Variants in ZMYM4 observed in about 807,000 individuals in gnomAD.
The protein encoded by ZMYM4 is zinc finger MYM-type protein 4.
Under a neutral mutation model 183.2 loss-of-function variants are expected in ZMYM4, and 31 were observed. That is an observed-to-expected ratio of 0.17 (90% CI 0.13 to 0.23). The LOEUF is 0.23. ZMYM4 is among the 10% of genes least tolerant of loss of function. ZMYM4 has a pLI of 1.00. For synonymous variants in ZMYM4, 592 were observed against 631.2 expected (o/e 0.94, Z 0.93); for missense variants, 1,273 against 1,840.3 (o/e 0.69, Z 5.64).
At chr1:35,307,866 G>C (rs1641611678) in intron 1 of ZMYM4, among the ~76,000 whole-genome samples, 1 of 151,044 alleles carries the variant, frequency 6.6e-6, no homozygotes, top group Admixed American at 6.6e-5. Flanking sequence ...TCTTACTTCT[G>C]TCCCCCAGGC....
rs1369447600 is a variant in ZMYM4 at position 35,419,541 on chromosome 1, C to T, written c.4511C>T (p.Pro1504Leu). The change falls in exon 30 of 30, where the codon CCC (proline) becomes CTC (leucine). Residue 1504 changes from proline (P) to leucine (L), a missense_variant. Coordinates refer to ENST00000314607, the MANE Select transcript of ZMYM4 (RefSeq NM_005095.3). ...GAGCGCTCCTGTGTCCCGAATAGCC[C>T]CATGTGGTACTCCACATTCCCGATA... The part of the protein sequence containing the change: ...QPERSCVPNS[P>L]MWYSTFPIDP... 1 of 1,613,952 alleles carries T rather than the reference C, an allele frequency of 6.2e-7. No individual in the cohort carries two copies. Among genetic ancestry groups the T allele is most frequent in the Non-Finnish European group, 8.5e-7 (1 of 1,180,002 alleles).
At chr1:35,324,237 T>TC (rs1042496538) in intron 1 of ZMYM4, among the ~76,000 whole-genome samples, 6 of 152,194 alleles carry the variant, frequency 3.9e-5, no homozygotes, top group Admixed American at 3.3e-4. Context: ...ACTTAGTGCT[T>TC]CAATCCTCCA....
At chr1:35,356,479 T>C (rs1291222616) in intron 2 of ZMYM4, among the ~76,000 whole-genome samples, 2 of 152,210 alleles carry the variant, frequency 1.3e-5, no homozygotes, top group Non-Finnish European at 1.5e-5. Context: ...GTTGTCTCAA[T>C]TGATTATTTT....
chr1:35,309,327 C>T (rs1255562970), intron 1 of ZMYM4, among the ~76,000 whole-genome samples: 2 of 152,102 alleles, frequency 1.3e-5, no homozygotes, highest in Non-Finnish European at 2.9e-5. Flanking sequence ...TTAAGAATAG[C>T]TTTATGATTG....
In ZMYM4 at chr1:35,299,701, T is replaced by A. The variant is rs1407429611; in HGVS notation, c.40-25659T>A. ...CTGGTAAGTTGCAGAAAGCAACCAA[T>A]CAAAGGCTAAAGTGAAGTTACAAAG... is the stretch of plus-strand genomic sequence containing the variant. On this transcript the variant is annotated intron_variant, in intron 1 of 29. Coordinates refer to ENST00000314607, the MANE Select transcript of ZMYM4 (RefSeq NM_005095.3). Among the ~76,000 whole-genome samples, 160 of 152,316 alleles carry A rather than the reference T, an allele frequency of 1.1e-3. 3 individuals carry two copies. The South Asian group carries it at 0.032, about 31-fold the overall frequency.
At chr1:35,331,206 T>C (rs541380530) in intron 2 of ZMYM4, among the ~76,000 whole-genome samples, 1 of 152,330 alleles carries the variant, frequency 6.6e-6, no homozygotes, top group African/African-American at 2.4e-5. Context: ...ACTTTCTTTA[T>C]GAAAATGTTG....
At chr1:35,277,748 A>T (rs1639944242) in intron 1 of ZMYM4, among the ~76,000 whole-genome samples, 1 of 152,150 alleles carries the variant, frequency 6.6e-6, no homozygotes, top group Non-Finnish European at 1.5e-5. Context: ...AAAAAGCAGG[A>T]TAAATGCTTA....
chr1:35,419,371 A>T, intron 29 of ZMYM4, 99 bp from the exon 30 acceptor site: 1 of 1,320,968 alleles, frequency 7.6e-7, no homozygotes, highest in Non-Finnish European at 1.0e-6. Flanking sequence ...ATTACTTTTA[A>T]TGGCAAAAAC....
chr1:35,412,822 G>A (rs1639968039), intron 26 of ZMYM4, among the ~76,000 whole-genome samples: 1 of 152,020 alleles, frequency 6.6e-6, no homozygotes, highest in African/African-American at 2.4e-5. Flanking sequence ...AATGCCTATT[G>A]AAGTGGTAAT....
intron 2 of ZMYM4, among the ~76,000 whole-genome samples, chr1:35,330,504 T>C (rs746714988): frequency 5.9e-5 from 9 of 152,170 alleles, no homozygotes; most frequent in Non-Finnish European, 7.3e-5. Flanking sequence ...TGAAGAACTT[T>C]CCTGGAAAAT....
At position 35,387,205 on chromosome 1, in the gene ZMYM4, G is replaced by C. The variant is rs975937182; in HGVS notation, c.2039G>C (p.Arg680Pro). The C allele has an allele frequency of 6.2e-7, 1 of 1,614,186 alleles. No individual in the cohort carries two copies. Among genetic ancestry groups the C allele is most frequent in the Non-Finnish European group, 8.5e-7 (1 of 1,180,026 alleles). The stretch of plus-strand genomic sequence containing the variant: ...CAGTCCCAGCATGTTGGGTTTGCAC[G>C]AAGTGTTGTGAAACTCAAATGTCAA... ...AAQSQHVGFARSVVKLKCQHC... is the reference protein window; with the variant it reads ...AAQSQHVGFAPSVVKLKCQHC... The change falls in exon 12 of 30, where the codon CGA becomes CCA. Residue 680 changes from arginine (R) to proline (P), a missense_variant. Transcript: ENST00000314607.
intron 24 of ZMYM4, 29 bp from the exon 25 acceptor site, chr1:35,405,344 C>T (rs1644983536): frequency 1.9e-6 from 3 of 1,580,814 alleles, no homozygotes; most frequent in Non-Finnish European, 2.6e-6. Context: ...TTTATTTAAA[C>T]TTTTCTTTTA....
intron 1 of ZMYM4, among the ~76,000 whole-genome samples, chr1:35,306,291 A>ATC: frequency 6.6e-6 from 1 of 151,994 alleles, no homozygotes; most frequent in Non-Finnish European, 1.5e-5. Context: ...TATTTCATTT[A>ATC]TCTCTCTCCC....
chr1:35,393,371 A>G (rs551622138), intron 17 of ZMYM4, among the ~76,000 whole-genome samples: 5 of 152,318 alleles, frequency 3.3e-5, no homozygotes, highest in Non-Finnish European at 7.4e-5. Flanking sequence ...GTAAATAGAA[A>G]TTGTGATTAG....
chr1:35,281,633 A>G (rs1640164859), intron 1 of ZMYM4, among the ~76,000 whole-genome samples: 2 of 145,490 alleles, frequency 1.4e-5, no homozygotes, highest in Non-Finnish European at 3.0e-5. Flanking sequence ...GTGCAATTAT[A>G]ACTTCTCAAA....
intron 2 of ZMYM4, among the ~76,000 whole-genome samples, chr1:35,326,017 A>G (rs1023149237): frequency 1.3e-5 from 2 of 152,118 alleles, no homozygotes; most frequent in East Asian, 1.9e-4. Flanking sequence ...TTCTGTGTCA[A>G]TGGATATAGA....
At chr1:35,365,104 G>T (rs185189476) in intron 5 of ZMYM4, among the ~76,000 whole-genome samples, 32 of 152,030 alleles carry the variant, frequency 2.1e-4, no homozygotes, top group African/African-American at 7.7e-4. Context: ...TGCTTAATTC[G>T]CCTAACAACC....
At chr1:35,395,905 A>C (rs1166439125) in intron 18 of ZMYM4, among the ~76,000 whole-genome samples, 3 of 152,216 alleles carry the variant, frequency 2.0e-5, no homozygotes, top group Admixed American at 6.5e-5. Flanking sequence ...AAATAATGGA[A>C]TAAATCATCC....
intron 11 of ZMYM4, among the ~76,000 whole-genome samples, chr1:35,386,394 AG>A (rs200385565): frequency 0.017 from 2,526 of 152,266 alleles, 64 homozygotes; most frequent in African/African-American, 0.057. Flanking sequence ...GCGAAGGGGA[AG>A]CCGGCACGTC....
Sources: allele counts gnomAD v4.1 joint callset (sites outside exome capture counted in the v4.1 genomes callset), GRCh38; gene constraint gnomAD v4.1.1; transcripts MANE v1.5; gene names NCBI Gene and HGNC (gene_info 2026-07-23, HGNC 2026-07-21).